Variants in SMC3 observed in about 807,000 individuals in gnomAD.
The protein encoded by SMC3 is structural maintenance of chromosomes protein 3.
Under a neutral mutation model 171.8 loss-of-function variants are expected in SMC3, and 20 were observed. That is an observed-to-expected ratio of 0.12 (90% CI 0.08 to 0.17). The LOEUF (loss-of-function observed/expected upper bound fraction) is 0.17, where lower values mean the gene tolerates loss of function less well. SMC3 is among the 10% of genes least tolerant of loss of function. The probability of loss-of-function intolerance (pLI) is 1.00; values close to 1 mark genes in which losing one functional copy is unlikely to be tolerated. For synonymous variants in SMC3, 464 were observed against 451.1 expected (o/e 1.03, Z -0.36); for missense variants, 543 against 1,420.4 (o/e 0.38, Z 9.93).
chr10:110,592,237 C>T (rs1269189518), intron 17 of SMC3, among the ~76,000 whole-genome samples: 1 of 149,468 alleles, frequency 6.7e-6, no homozygotes, highest in Non-Finnish European at 1.5e-5. Context: ...TGTACTTCAT[C>T]CTGGCAACAG....
rs1401516673 is a variant in SMC3 at position 110,605,800 on chromosome 10, A to G, written c.*1498A>G. Among the ~76,000 whole-genome samples the G allele has an allele frequency of 1.3e-5, 2 of 152,182 alleles. No homozygotes were observed. Among genetic ancestry groups the G allele is most frequent in the Non-Finnish European group, 2.9e-5 (2 of 68,018 alleles). The stretch of plus-strand genomic sequence containing the variant: ...ACCCAAGAATTTTTCTCAAACAACT[A>G]CCTAAGAATATTCATCATGAATGCT... On this transcript the variant is annotated 3_prime_UTR_variant, in exon 29 of 29. Coordinates refer to ENST00000361804, the MANE Select transcript of SMC3 (RefSeq NM_005445.4).
chr10:110,581,228 T>C (rs1861025424), intron 8 of SMC3, among the ~76,000 whole-genome samples: 1 of 150,660 alleles, frequency 6.6e-6, no homozygotes, highest in South Asian at 2.1e-4. Context: ...TTTTTTTTTT[T>C]TTTTTTTGAG....
rs1159817321 is a variant in SMC3 at position 110,601,962 on chromosome 10, A to G, written c.2893-4A>G. ...TTATATGAATACATATTTTCTCTTT[A>G]TAGTTGTTTCGAAAACTTGAGCAGT... On this transcript the variant is annotated splice_region_variant and splice_polypyrimidine_tract_variant and intron_variant, in intron 24 of 28. Coordinates refer to ENST00000361804, the MANE Select transcript of SMC3 (RefSeq NM_005445.4). 6.2e-7 allele frequency: 1 copy of G among 1,612,274 alleles called. No individual in the cohort carries two copies. The highest frequency in any genetic ancestry group is 8.5e-7 in the Non-Finnish European group (1 of 1,179,036).
intron 18 of SMC3, among the ~76,000 whole-genome samples, chr10:110,594,723 T>G (rs1042014903): frequency 1.3e-5 from 2 of 152,102 alleles, no homozygotes; most frequent in African/African-American, 4.8e-5. Flanking sequence ...CCCCCAAGCT[T>G]TGTTTCTGTA....
In SMC3 at chr10:110,584,304, G is replaced by A. The variant is rs751049712; in HGVS notation, c.1213G>A (p.Ala405Thr). 1 of 1,613,784 alleles carries A rather than the reference G, an allele frequency of 6.2e-7. No individual in the cohort carries two copies. Among genetic ancestry groups the A allele is most frequent in the Middle Eastern group, 1.7e-4 (1 of 6,058 alleles). ...AAAGGAACTCAAGTCTTTAGATCAG[G>A]CTATTAATGACAAGAAAAGACAGAT... ...IKKELKSLDQAINDKKRQIAA... is the reference protein window; with the variant it reads ...IKKELKSLDQTINDKKRQIAA... Residue 405 changes from alanine (A) to threonine (T), a missense_variant, in exon 13 of 29, where the codon GCT becomes ACT. Around this residue, in one of 8 missense-constraint regions of SMC3, gnomAD observed 218 missense variants for 509.6 expected, o/e 0.43. Coordinates refer to ENST00000361804, the MANE Select transcript of SMC3 (RefSeq NM_005445.4).
chr10:110,573,661 T>C, intron 2 of SMC3, 46 bp from the exon 3 acceptor site: 1 of 1,311,356 alleles, frequency 7.6e-7, no homozygotes, highest in Non-Finnish European at 1.1e-6. Flanking sequence ...GTTTTAATTT[T>C]ATTGGTTTTT....
rs114238079 is a variant in SMC3 at position 110,593,658 on chromosome 10, C to T, written c.1963+435C>T. 3.0e-3 allele frequency among the ~76,000 whole-genome samples: 452 copies of T among 152,112 alleles called. 1 individual carries two copies. Among genetic ancestry groups the T allele is most frequent in the African/African-American group, 0.01 (418 of 41,504 alleles). On this transcript the variant is annotated intron_variant, in intron 18 of 28. Transcript: ENST00000361804. ...AATATATCTTACAGTATTTTGGAGACATTCTGGTTTTGAGAGTATTCGAAA... is the reference window on the plus strand; with the variant it reads ...AATATATCTTACAGTATTTTGGAGATATTCTGGTTTTGAGAGTATTCGAAA...
rs751231375 is a variant in SMC3 at position 110,593,040 on chromosome 10, G to GT, written c.1813-32dup. 1.9e-6 allele frequency: 3 copies of GT among 1,569,080 alleles called. No homozygotes were observed. The Admixed American group carries it at 5.0e-5, about 26-fold the overall frequency. ...TTCTAAGTTCTTAGTTAACTGTGTTGTGATCTCTCTGTTGACAAAATTTCA... is the reference window on the plus strand; with the variant it reads ...TTCTAAGTTCTTAGTTAACTGTGTTGTTGATCTCTCTGTTGACAAAATTTCA... On this transcript the variant is annotated intron_variant, in intron 17 of 28. Transcript: ENST00000361804.
chr10:110,600,538 G>A lies in SMC3; in HGVS notation c.2527G>A (p.Val843Ile). ...GAATCTGAGAAAACGCTTGGACCAA[G>A]TAGAACAGGTGTGTATGTGTTTTTT... ...NENLRKRLDQ[V>I]EQELNELRET... The change falls in exon 22 of 29, where the codon GTA becomes ATA. Residue 843 changes from valine (V) to isoleucine (I), a missense_variant. Transcript: ENST00000361804. The A allele has an allele frequency of 6.7e-7, 1 of 1,494,844 alleles. No homozygotes were observed. The highest frequency in any genetic ancestry group is 9.3e-7 in the Non-Finnish European group (1 of 1,072,088). 92.6% of individuals were successfully genotyped at this position (1,494,844 alleles called of 1,614,324 possible).
chr10:110,599,426 T>C (rs1302266345), intron 20 of SMC3, among the ~76,000 whole-genome samples: 1 of 151,940 alleles, frequency 6.6e-6, no homozygotes, highest in African/African-American at 2.4e-5. Flanking sequence ...CCTGAAGATT[T>C]TTGTATAGTT....
intron 11 of SMC3, 146 bp downstream of exon 11, chr10:110,583,694 G>A: frequency 3.4e-6 from 4 of 1,169,864 alleles, no homozygotes; most frequent in South Asian, 1.3e-5. Flanking sequence ...TAACAACTTG[G>A]TACTGTCCCT....
chr10:110,601,162 A>G, intron 23 of SMC3, 32 bp downstream of exon 23: 1 of 1,469,828 alleles, frequency 6.8e-7, no homozygotes, highest in South Asian at 1.1e-5. Flanking sequence ...TTTTGTTTAT[A>G]TGCATGTTTT....
In SMC3 at chr10:110,585,127, T is replaced by C. The variant is rs1348569011; in HGVS notation, c.1305+731T>C. Among the ~76,000 whole-genome samples, 3 of 151,734 alleles carry C rather than the reference T, an allele frequency of 2.0e-5. No individual in the cohort carries two copies. The South Asian group carries it at 6.2e-4, about 32-fold the overall frequency. On this transcript the variant is annotated intron_variant, in intron 13 of 28. Coordinates refer to ENST00000361804, the MANE Select transcript of SMC3 (RefSeq NM_005445.4). ...TCCTGAGTAGCTGGGATTACAGGCA[T>C]GCACCACCAAGCCCAGCTAATTTTG...
chr10:110,588,314 G>A (rs1861156283), intron 13 of SMC3, among the ~76,000 whole-genome samples: 1 of 152,166 alleles, frequency 6.6e-6, no homozygotes, highest in African/African-American at 2.4e-5. Context: ...TGACTCAGTA[G>A]TAACATTGAC....
In SMC3 at chr10:110,574,549, T is replaced by G. The variant is rs181630666; in HGVS notation, c.131-787T>G. On this transcript the variant is annotated intron_variant, in intron 3 of 28. Transcript: ENST00000361804. The stretch of plus-strand genomic sequence containing the variant: ...TGTATATCCTATTGTGGTTGTAATT[T>G]GGCAATGATGAGAGAATGGACTGAA... Among the ~76,000 whole-genome samples, 294 of 152,324 alleles carry G rather than the reference T, an allele frequency of 1.9e-3. 2 individuals are homozygous for G. The highest frequency in any genetic ancestry group is 6.7e-3 in the African/African-American group (277 of 41,564).
At chr10:110,568,000 C>T (rs929939553) in intron 1 of SMC3, among the ~76,000 whole-genome samples, 169 bp downstream of exon 1, 2 of 152,214 alleles carry the variant, frequency 1.3e-5, no homozygotes, top group Non-Finnish European at 1.5e-5. Context: ...AGTGCCCCGG[C>T]TGCGGGGTCG....
rs571986825 is a variant in SMC3, at chr10:110,571,720, G to C, written c.92-1987G>C. The stretch of plus-strand genomic sequence containing the variant: ...GTGAATCTGGGGCCACATATAAACT[G>C]TGTTTACCTCAGTACGTTTTTAGTC... On this transcript the variant is annotated intron_variant, in intron 2 of 28. Transcript: ENST00000361804. 1.4e-4 allele frequency among the ~76,000 whole-genome samples: 21 copies of C among 152,080 alleles called. 1 individual carries two copies. In the South Asian group the frequency reaches 4.2e-3, roughly 30 times the overall value.
In SMC3 at chr10:110,601,908, G is replaced by A. The variant is rs1478426936; in HGVS notation, c.2892+24G>A. 3.7e-6 allele frequency: 6 copies of A among 1,612,948 alleles called. No individual in the cohort carries two copies. In the African/African-American group the frequency reaches 6.7e-5, roughly 18 times the overall value. ...AGGTTGGTTTTAAATTTGAAGTCTT[G>A]TTACAAATTGCTCAGTATATAAATT... On this transcript the variant is annotated intron_variant, in intron 24 of 28. Coordinates refer to ENST00000361804, the MANE Select transcript of SMC3 (RefSeq NM_005445.4).
intron 16 of SMC3, 90 bp from the exon 17 acceptor site, chr10:110,590,900 AG>A (rs776703693): frequency 4.4e-6 from 5 of 1,142,756 alleles, no homozygotes; most frequent in Non-Finnish European, 6.6e-6. Context: ...CCAGCTATGC[AG>A]GAGGCTGAGG....
Sources: allele counts gnomAD v4.1 joint callset (sites outside exome capture counted in the v4.1 genomes callset), GRCh38; gene constraint gnomAD v4.1.1; regional missense constraint gnomAD v4.1.1; transcripts MANE v1.5; gene names NCBI Gene and HGNC (gene_info 2026-07-23, HGNC 2026-07-21).